The following STAB2 variants were observed in gnomAD, a reference collection of about 807,000 sequenced individuals.
The protein encoded by STAB2 is stabilin 2.
A neutral mutation model predicts 338.1 loss-of-function variants in STAB2; 288 were observed. That is an observed-to-expected ratio of 0.85 (90% CI 0.77 to 0.94). The LOEUF (loss-of-function observed/expected upper bound fraction) is 0.94. STAB2 is among the 40% of genes least tolerant of loss of function. The pLI is 0.00. For synonymous variants in STAB2, 1,202 were observed against 1,193.3 expected (o/e 1.01, Z -0.15); for missense variants, 3,141 against 3,210.1 (o/e 0.98, Z 0.52).
At chr12:103,621,976 C>T (rs1453648675) in intron 4 of STAB2, 66 bp from the exon 5 acceptor site, 18 of 1,507,020 alleles carry the variant, frequency 1.2e-5, no homozygotes, top group Admixed American at 1.8e-5. Context: ...AGTTGGAAAT[C>T]CAAGGCCTTC....
chr12:103,694,058 C>A (rs538990412), intron 31 of STAB2, among the ~76,000 whole-genome samples: 37 of 151,946 alleles, frequency 2.4e-4, no homozygotes, highest in African/African-American at 8.7e-4. Flanking sequence ...GGGCTGCAGG[C>A]GCTCCCTAAG....
At position 103,717,752 on chromosome 12, in the gene STAB2, G is replaced by T. The variant is rs747798612; in HGVS notation, c.4612-18G>T. On this transcript the variant is annotated intron_variant, in intron 43 of 68. Coordinates refer to ENST00000388887, the MANE Select transcript of STAB2 (RefSeq NM_017564.10). ...ACCCACCTGCAAAATGACCCCATGTGCTTCTACTCCTGGACAGGCTGCCTG... is the reference window on the plus strand; with the variant it reads ...ACCCACCTGCAAAATGACCCCATGTTCTTCTACTCCTGGACAGGCTGCCTG... 6.2e-7 allele frequency: 1 copy of T among 1,613,992 alleles called. No individual in the cohort carries two copies. Among genetic ancestry groups the T allele is most frequent in the Non-Finnish European group, 8.5e-7 (1 of 1,179,906 alleles).
intron 33 of STAB2, among the ~76,000 whole-genome samples, chr12:103,697,818 G>A (rs1373966654): frequency 6.6e-6 from 1 of 152,230 alleles, no homozygotes; most frequent in African/African-American, 2.4e-5. Context: ...AAAGCTAGGA[G>A]AACAATGGGA....
chr12:103,729,909 A>G (rs945514154), intron 48 of STAB2, among the ~76,000 whole-genome samples: 8 of 152,244 alleles, frequency 5.3e-5, no homozygotes, highest in Non-Finnish European at 1.0e-4. Flanking sequence ...AGATGATTCT[A>G]TGTTATAATT....
At chr12:103,739,497 G>C in intron 54 of STAB2, 29 bp downstream of exon 54, 2 of 1,552,340 alleles carry the variant, frequency 1.3e-6, no homozygotes, top group African/African-American at 1.4e-5. Flanking sequence ...ATAATGTTTG[G>C]AGAGCCATAG....
intron 18 of STAB2, among the ~76,000 whole-genome samples, chr12:103,665,246 A>AC (rs1302936772): frequency 1.3e-5 from 2 of 152,170 alleles, no homozygotes; most frequent in African/African-American, 4.8e-5. Context: ...AGCAGCTGGT[A>AC]CCCTCTGGAA....
At chr12:103,702,516 G>T (rs1386746269) in intron 34 of STAB2, among the ~76,000 whole-genome samples, 1 of 151,278 alleles carries the variant, frequency 6.6e-6, no homozygotes, top group Non-Finnish European at 1.5e-5. Context: ...AGCCAGGATG[G>T]TCTCGATCTC....
intron 10 of STAB2, among the ~76,000 whole-genome samples, chr12:103,649,527 G>A (rs1354251988): frequency 6.6e-6 from 1 of 152,032 alleles, no homozygotes; most frequent in Non-Finnish European, 1.5e-5. Context: ...ACACAGACTT[G>A]GCCAATCAAC....
intron 19 of STAB2, among the ~76,000 whole-genome samples, chr12:103,667,105 G>T (rs1484032213): frequency 1.3e-5 from 2 of 152,140 alleles, no homozygotes; most frequent in Non-Finnish European, 2.9e-5. Context: ...AATGAGAAGT[G>T]GCATTAAACA....
intron 3 of STAB2, among the ~76,000 whole-genome samples, chr12:103,607,872 C>T (rs1736960971): frequency 6.6e-6 from 1 of 152,130 alleles, no homozygotes; most frequent in Admixed American, 6.5e-5. Context: ...TTTATAGCAG[C>T]ATGATTTATA....
At position 103,675,919 on chromosome 12, in the gene STAB2, C is replaced by T. The variant is rs1399392958; in HGVS notation, c.2553-9C>T. On this transcript the variant is annotated splice_polypyrimidine_tract_variant and intron_variant, in intron 23 of 68. Coordinates refer to ENST00000388887, the MANE Select transcript of STAB2 (RefSeq NM_017564.10). ...TTCTGGGGCTGATATTGCACACTCT[C>T]CTTTGCAGTTGTATTTGCAAAGCAG... 1 of 1,605,104 alleles carries T rather than the reference C, an allele frequency of 6.2e-7. No homozygotes were observed. Among genetic ancestry groups the T allele is most frequent in the African/African-American group, 1.3e-5 (1 of 74,442 alleles).
rs955397643 is a variant in STAB2, at chr12:103,685,095, G to A, written c.2997+11G>A. ...GGAAACGCAGCAGTGGTAAGTCATC[G>A]ATGATGAACTCAATAATATAGACAA... On this transcript the variant is annotated intron_variant, in intron 27 of 68. Transcript: ENST00000388887. 6 of 1,611,916 alleles carry A rather than the reference G, an allele frequency of 3.7e-6. No individual in the cohort carries two copies. The highest frequency in any genetic ancestry group is 1.6e-4 in the Middle Eastern group (1 of 6,074).
chr12:103,750,544 G>C (rs1326193338), intron 59 of STAB2, 35 bp from the exon 60 acceptor site: 1 of 1,610,038 alleles, frequency 6.2e-7, no homozygotes, highest in East Asian at 2.2e-5. Flanking sequence ...CCTAGAGAAG[G>C]AACTTTTTCA....
chr12:103,604,800 T>G (rs1957003467), intron 3 of STAB2, among the ~76,000 whole-genome samples: 1 of 151,764 alleles, frequency 6.6e-6, no homozygotes, highest in South Asian at 2.1e-4. Context: ...GCTTTTGGTT[T>G]CATTTATTTA....
At chr12:103,671,448 G>GA (rs879347335) in intron 22 of STAB2, among the ~76,000 whole-genome samples, 39 of 147,790 alleles carry the variant, frequency 2.6e-4, no homozygotes, top group Admixed American at 6.7e-4. Context: ...GATTCCATCT[G>GA]AAAAAAAAAA....
chr12:103,651,487 T>C (rs1040447535), intron 11 of STAB2, among the ~76,000 whole-genome samples: 2 of 152,046 alleles, frequency 1.3e-5, no homozygotes, highest in African/African-American at 4.8e-5. Flanking sequence ...CTAATGTTGA[T>C]ATTTTTAGTA....
At chr12:103,670,394 C>T (rs1875648801) in intron 21 of STAB2, among the ~76,000 whole-genome samples, 1 of 152,194 alleles carries the variant, frequency 6.6e-6, no homozygotes, top group South Asian at 2.1e-4. Context: ...AGGCTAGTCA[C>T]TCATTCTGGA....
chr12:103,733,396 C>A (rs1002444844), intron 51 of STAB2, among the ~76,000 whole-genome samples: 3 of 151,788 alleles, frequency 2.0e-5, no homozygotes, highest in Non-Finnish European at 4.4e-5. Flanking sequence ...TTCCTTGGAC[C>A]TGCCAATTTT....
chr12:103,764,837 C>T (rs377389401), intron 68 of STAB2, among the ~76,000 whole-genome samples: 25 of 152,100 alleles, frequency 1.6e-4, no homozygotes, highest in East Asian at 1.5e-3. Flanking sequence ...GTGGCTCATG[C>T]GTGTAATCCC....
Sources: gnomAD v4.1 joint callset for allele counts (sites outside exome capture counted in the v4.1 genomes callset) on GRCh38, gnomAD v4.1.1 for gene constraint, MANE v1.5 for transcripts, NCBI Gene and HGNC (gene_info 2026-07-23, HGNC 2026-07-21) for gene names.